Variants in CDH13 observed in about 807,000 individuals in gnomAD.
CDH13 encodes the protein cadherin 13.
A neutral mutation model predicts 63.8 loss-of-function variants in CDH13; 24 were observed. That is an observed-to-expected ratio of 0.38 (90% CI 0.27 to 0.53). The LOEUF (loss-of-function observed/expected upper bound fraction) is 0.53. Ranked by LOEUF, CDH13 falls within the 20% of genes least tolerant of loss-of-function variation. The pLI is 0.85. For missense variants in CDH13, 1,049 were observed against 903.1 expected, an observed-to-expected ratio of 1.16 and a Z score of -2.07; for synonymous variants, 503 against 355.3, an observed-to-expected ratio of 1.42 and a Z score of -4.67.
chr16:82,680,996 C>G (rs1033229882), intron 1 of CDH13, among the ~76,000 whole-genome samples: 1 of 152,208 alleles, frequency 6.6e-6, no homozygotes, highest in African/African-American at 2.4e-5. Context: ...GAAGACAGGA[C>G]TGCCTACAAA....
At chr16:83,288,427 A>T (rs1370095792) in intron 5 of CDH13, among the ~76,000 whole-genome samples, 1 of 152,194 alleles carries the variant, frequency 6.6e-6, no homozygotes, top group Non-Finnish European at 1.5e-5. Context: ...TATTGCTTGG[A>T]TCATGTTTAG....
At chr16:83,449,774 G>A (rs541602307) in intron 6 of CDH13, among the ~76,000 whole-genome samples, 4 of 152,200 alleles carry the variant, frequency 2.6e-5, no homozygotes, top group Admixed American at 6.5e-5. Flanking sequence ...CTGCACCTTC[G>A]TTTTGTAAAT....
intron 8 of CDH13, among the ~76,000 whole-genome samples, chr16:83,633,111 C>T (rs1359397696): frequency 1.3e-5 from 2 of 152,178 alleles, no homozygotes; most frequent in South Asian, 4.1e-4. Flanking sequence ...TTCTTTACTG[C>T]AACCTGTTTT....
intron 2 of CDH13, among the ~76,000 whole-genome samples, chr16:82,871,003 C>G (rs1255439692): frequency 6.6e-6 from 1 of 152,196 alleles, no homozygotes. Context: ...CAGGAAGTCA[C>G]TATTACTCCT....
chr16:83,311,990 T>C (rs2090010541), intron 5 of CDH13, among the ~76,000 whole-genome samples: 1 of 150,702 alleles, frequency 6.6e-6, no homozygotes, highest in Non-Finnish European at 1.5e-5. Context: ...GGAGAATCAC[T>C]TGAACCCGGG....
chr16:82,831,780 G>C (rs1244325201), intron 1 of CDH13, among the ~76,000 whole-genome samples: 1 of 152,146 alleles, frequency 6.6e-6, no homozygotes, highest in African/African-American at 2.4e-5. Context: ...CTCACCTTTT[G>C]TTCAAATGAC....
At chr16:83,474,391 A>G (rs559509660) in intron 6 of CDH13, among the ~76,000 whole-genome samples, 9 of 152,326 alleles carry the variant, frequency 5.9e-5, no homozygotes, top group African/African-American at 2.2e-4. Flanking sequence ...TTCAGCTTCT[A>G]TCATTCCAAG....
At chr16:83,665,579 AT>A in intron 8 of CDH13, among the ~76,000 whole-genome samples, 1 of 152,226 alleles carries the variant, frequency 6.6e-6, no homozygotes, top group African/African-American at 2.4e-5. Flanking sequence ...AGACCCTATA[AT>A]TTTTTTAAGC....
At chr16:82,937,191 T>C (rs2042696122) in intron 2 of CDH13, among the ~76,000 whole-genome samples, 1 of 152,096 alleles carries the variant, frequency 6.6e-6, no homozygotes, top group African/African-American at 2.4e-5. Context: ...TTGCTTTTTC[T>C]TTTTTTTCTG....
At chr16:82,815,201 C>A (rs906178527) in intron 1 of CDH13, among the ~76,000 whole-genome samples, 1 of 152,058 alleles carries the variant, frequency 6.6e-6, no homozygotes, top group Non-Finnish European at 1.5e-5. Context: ...GGAACAGCCA[C>A]GCAGTAGAGT....
At chr16:83,497,822 G>A (rs1205040976) in intron 7 of CDH13, among the ~76,000 whole-genome samples, 1 of 152,196 alleles carries the variant, frequency 6.6e-6, no homozygotes, top group Non-Finnish European at 1.5e-5. Flanking sequence ...TGTACTGACT[G>A]CAGCATGTTA....
At chr16:82,802,789 C>T (rs1302313664) in intron 1 of CDH13, among the ~76,000 whole-genome samples, 1 of 152,200 alleles carries the variant, frequency 6.6e-6, no homozygotes, top group Non-Finnish European at 1.5e-5. Flanking sequence ...CCTCCCTCTT[C>T]AAGCTGCCAG....
intron 1 of CDH13, among the ~76,000 whole-genome samples, chr16:82,798,202 T>A (rs2036681223): frequency 6.6e-6 from 1 of 152,132 alleles, no homozygotes; most frequent in Non-Finnish European, 1.5e-5. Context: ...ATCAGAAAAA[T>A]GACCGCTTGC....
chr16:83,787,211 C>T lies in CDH13; in HGVS notation c.2134+3739C>T, dbSNP rs1006829262. ...GTGTTACATTCACAAGGTCCATCCA[C>T]GTTGCTCTAATTCAGCGTTCAGCAA... On this transcript the variant is annotated intron_variant, in intron 13 of 13. Transcript: ENST00000567109. Among the ~76,000 whole-genome samples, 7 of 152,222 alleles carry T rather than the reference C, an allele frequency of 4.6e-5. No homozygotes were observed. In the East Asian group the frequency reaches 1.2e-3, roughly 25 times the overall value.
chr16:82,916,313 C>T (rs1011268481), intron 2 of CDH13, among the ~76,000 whole-genome samples: 5 of 152,116 alleles, frequency 3.3e-5, no homozygotes, highest in Non-Finnish European at 7.4e-5. Flanking sequence ...CCGTAGCTCA[C>T]GCCTGTAATC....
rs140335589 is a variant in CDH13 at position 83,364,965 on chromosome 16, G to A, written c.781+19959G>A. Among the ~76,000 whole-genome samples the A allele has an allele frequency of 2.6e-3, 401 of 152,256 alleles. 2 individuals carry two copies. The highest frequency in any genetic ancestry group is 3.6e-3 in the Non-Finnish European group (246 of 68,028). ...ATTAGGACAAATACCTAAGGCATGC[G>A]GGGCTTAAAACCCAGGTGTTGGGTT... On this transcript the variant is annotated intron_variant, in intron 6 of 13. Coordinates refer to ENST00000567109, the MANE Select transcript of CDH13 (RefSeq NM_001257.5).
At chr16:83,359,424 C>A (rs1221635547) in intron 6 of CDH13, among the ~76,000 whole-genome samples, 1 of 152,154 alleles carries the variant, frequency 6.6e-6, no homozygotes, top group Non-Finnish European at 1.5e-5. Flanking sequence ...CCAGCAATGG[C>A]TTCTTTTCAG....
chr16:83,351,426 C>T (rs539514102), intron 6 of CDH13, among the ~76,000 whole-genome samples: 1 of 152,090 alleles, frequency 6.6e-6, no homozygotes, highest in African/African-American at 2.4e-5. Flanking sequence ...GAGTGCAGTT[C>T]TGGGGTTCTC....
In CDH13 at chr16:82,626,971, T is replaced by C. The variant is rs1302736939; in HGVS notation, c.-122T>C. On this transcript the variant is annotated 5_prime_UTR_variant, in exon 1 of 14. Transcript: ENST00000567109. Reference sequence around the variant, plus strand: ...TTTCGTGATGCTGCTGCTGATCTATTTGGGAAGTTGGCTGGCTGGCGAGGC... The same window carrying C: ...TTTCGTGATGCTGCTGCTGATCTATCTGGGAAGTTGGCTGGCTGGCGAGGC... 4 of 1,090,690 alleles carry C rather than the reference T, an allele frequency of 3.7e-6. No individual in the cohort carries two copies. The highest frequency in any genetic ancestry group is 5.5e-6 in the Non-Finnish European group (4 of 727,490). 67.6% of individuals were successfully genotyped at this position (1,090,690 alleles called of 1,614,324 possible). A position where few individuals can be genotyped will look rare whatever the true frequency, so the allele number is the denominator to read the frequency against.
Sources: gnomAD v4.1 joint callset for allele counts (sites outside exome capture counted in the v4.1 genomes callset) on GRCh38, gnomAD v4.1.1 for gene constraint, MANE v1.5 for transcripts, NCBI Gene and HGNC (gene_info 2026-07-23, HGNC 2026-07-21) for gene names.